The following CHL1 variants were observed in gnomAD, a reference collection of about 807,000 sequenced individuals.
CHL1 encodes the protein cell adhesion molecule L1 like, also known as neural cell adhesion molecule L1-like protein.
In CHL1, 96 loss-of-function variants were observed where a neutral mutation model predicts 141.9. That is an observed-to-expected ratio of 0.68 (90% CI 0.57 to 0.80). The LOEUF (loss-of-function observed/expected upper bound fraction) is 0.80, where lower values mean the gene tolerates loss of function less well. Ranked by LOEUF, CHL1 falls within the 30% of genes least tolerant of loss-of-function variation. The probability of loss-of-function intolerance (pLI) is 0.00; values close to 1 mark genes in which losing one functional copy is unlikely to be tolerated. For missense variants in CHL1, 1,820 were observed against 1,457.2 expected, an observed-to-expected ratio of 1.25 and a Z score of -4.05; for synonymous variants, 613 against 502.2, an observed-to-expected ratio of 1.22 and a Z score of -2.95.
At chr3:201,312 G>T (rs1257985047) in intron 1 of CHL1, among the ~76,000 whole-genome samples, 1 of 152,188 alleles carries the variant, frequency 6.6e-6, no homozygotes, top group East Asian at 1.9e-4. Context: ...TTTATGTGTT[G>T]TGGGTAAAAA....
At chr3:293,126 T>C (rs1697852288) in intron 2 of CHL1, among the ~76,000 whole-genome samples, 1 of 152,190 alleles carries the variant, frequency 6.6e-6, no homozygotes, top group Non-Finnish European at 1.5e-5. Flanking sequence ...TTCAGGTTAG[T>C]TTATAAAAAT....
At chr3:216,368 T>G (rs1239600486) in intron 1 of CHL1, among the ~76,000 whole-genome samples, 1 of 152,244 alleles carries the variant, frequency 6.6e-6, no homozygotes, top group African/African-American at 2.4e-5. Flanking sequence ...TATGTGACAA[T>G]TGAAAAAGTC....
intron 27 of CHL1, among the ~76,000 whole-genome samples, chr3:403,963 C>T (rs907196700): frequency 6.6e-6 from 1 of 152,152 alleles, no homozygotes; most frequent in Non-Finnish European, 1.5e-5. Context: ...GTTCTTGTAA[C>T]TGCAATATCC....
At chr3:251,158 C>A (rs909717487) in intron 2 of CHL1, among the ~76,000 whole-genome samples, 1 of 152,002 alleles carries the variant, frequency 6.6e-6, no homozygotes, top group Non-Finnish European at 1.5e-5. Flanking sequence ...GTAAACTAAA[C>A]CAGAAAGTAA....
chr3:301,904 C>T (rs1334196423), intron 2 of CHL1, among the ~76,000 whole-genome samples: 2 of 152,152 alleles, frequency 1.3e-5, no homozygotes, highest in East Asian at 1.9e-4. Flanking sequence ...TCCCCAGCAC[C>T]GCACCGCCAA....
At chr3:259,332 G>GTGTGTGTGTT (rs149448289) in intron 2 of CHL1, among the ~76,000 whole-genome samples, 7,321 of 151,880 alleles carry the variant, frequency 0.048, 558 homozygotes, top group African/African-American at 0.17. Flanking sequence ...GCGTGTGTGT[G>GTGTGTGTGTT]TGTGTGATAT....
intron 1 of CHL1, among the ~76,000 whole-genome samples, chr3:201,851 A>G (rs1046961630): frequency 6.6e-6 from 1 of 152,062 alleles, no homozygotes; most frequent in Non-Finnish European, 1.5e-5. Flanking sequence ...CTTCTGATTC[A>G]CCTCTTCCTA....
chr3:360,789 T>G (rs1232030075), intron 12 of CHL1, among the ~76,000 whole-genome samples: 2 of 132,478 alleles, frequency 1.5e-5, no homozygotes, highest in Non-Finnish European at 3.1e-5. Flanking sequence ...CCCCTTCCTG[T>G]GTCCATGTGA....
At chr3:299,400 G>A (rs1036501202) in intron 2 of CHL1, among the ~76,000 whole-genome samples, 1 of 152,142 alleles carries the variant, frequency 6.6e-6, no homozygotes, top group Non-Finnish European at 1.5e-5. Context: ...TGGGGGTGCT[G>A]CAGATTCTTA....
chr3:356,638 T>C (rs1000538424), intron 11 of CHL1, among the ~76,000 whole-genome samples: 1 of 152,048 alleles, frequency 6.6e-6, no homozygotes, highest in African/African-American at 2.4e-5. Context: ...CCTGTGGTAA[T>C]TTACCTTTGA....
intron 18 of CHL1, 142 bp downstream of exon 18, chr3:382,813 A>G (rs2125399004): frequency 4.2e-6 from 3 of 712,606 alleles, no homozygotes; most frequent in Non-Finnish European, 4.7e-6. Context: ...ACAGCACACA[A>G]AATATTCAAA....
chr3:342,869 A>C (rs1702447628), intron 7 of CHL1, 115 bp from the exon 8 acceptor site: 1 of 694,490 alleles, frequency 1.4e-6, no homozygotes, highest in Non-Finnish European at 2.4e-6. Flanking sequence ...CTAGTGAAGC[A>C]TGGTTCTACA....
chr3:344,665 C>T lies in CHL1; in HGVS notation c.804C>T (p.Ile268=). ...TESGSESSIT[I]LKGEILLLEC... ...GTGGCAGTGAGTCTTCAATTACCAT[C>T]CTCAAAGGGGAAATCTTGCTGCTTG... is the stretch of plus-strand genomic sequence containing the variant. Residue 268 remains isoleucine, a synonymous_variant, in exon 9 of 28, where the codon ATC becomes ATT. Coordinates refer to ENST00000256509, the MANE Select transcript of CHL1 (RefSeq NM_006614.4). 4 of 1,613,658 alleles carry T rather than the reference C, an allele frequency of 2.5e-6. No individual in the cohort carries two copies. Among genetic ancestry groups the T allele is most frequent in the Non-Finnish European group, 3.4e-6 (4 of 1,179,736 alleles).
In CHL1 at chr3:361,584, C is replaced by T. The variant is rs367643790; in HGVS notation, c.1307-115C>T. On this transcript the variant is annotated intron_variant, in intron 12 of 27. Transcript: ENST00000256509. ...TACTTCTATAATTCAAAACAGACAC[C>T]ATAATATTCTGCTGTTTTCTGTTTG... The T allele has an allele frequency of 1.4e-3, 918 of 679,686 alleles. 20 individuals carry two copies. The South Asian group carries it at 0.016, about 12-fold the overall frequency. 42.1% of individuals were successfully genotyped at this position (679,686 alleles called of 1,614,324 possible). A position where few individuals can be genotyped will look rare whatever the true frequency, so the allele number is the denominator to read the frequency against.
At position 398,306 on chromosome 3, in the gene CHL1, A is replaced by C; in HGVS notation, c.3174A>C (p.Glu1058Asp). The change falls in exon 25 of 28, where the codon GAA becomes GAC. Residue 1058 changes from glutamate to aspartate, a missense_variant. Coordinates refer to ENST00000256509, the MANE Select transcript of CHL1 (RefSeq NM_006614.4). ...HPIEVFEPGA[E>D]HIVRLMTKNW... ...TAGAGGTATTTGAGCCGGGAGCTGA[A>C]CATATAGTTCGCCTAATGACTAAGA... 1 of 1,608,388 alleles carries C rather than the reference A, an allele frequency of 6.2e-7. No individual in the cohort carries two copies. The highest frequency in any genetic ancestry group is 2.2e-5 in the East Asian group (1 of 44,802).
intron 9 of CHL1, among the ~76,000 whole-genome samples, chr3:345,455 T>C (rs1335570345): frequency 2.2e-5 from 3 of 138,072 alleles, no homozygotes; most frequent in Admixed American, 1.4e-4. Context: ...TATTTATTTA[T>C]TTATTTATTT....
intron 1 of CHL1, among the ~76,000 whole-genome samples, chr3:225,792 G>A (rs759756443): frequency 1.3e-5 from 2 of 151,996 alleles, no homozygotes; most frequent in South Asian, 2.1e-4. Flanking sequence ...GGCAGATCAC[G>A]AGGTCAGGAG....
intron 1 of CHL1, among the ~76,000 whole-genome samples, chr3:222,584 G>A (rs1009343265): frequency 6.6e-6 from 1 of 152,230 alleles, no homozygotes; most frequent in Middle Eastern, 3.4e-3. Flanking sequence ...ATGGATCCTT[G>A]GGAAAACGAA....
At chr3:274,422 C>A (rs539028555) in intron 2 of CHL1, among the ~76,000 whole-genome samples, 1 of 152,192 alleles carries the variant, frequency 6.6e-6, no homozygotes, top group Admixed American at 6.5e-5. Context: ...AAAGAACATT[C>A]CAAATTATTA....
Sources: gnomAD v4.1 joint callset for allele counts (sites outside exome capture counted in the v4.1 genomes callset) on GRCh38, gnomAD v4.1.1 for gene constraint, MANE v1.5 for transcripts, NCBI Gene and HGNC (gene_info 2026-07-23, HGNC 2026-07-21) for gene names.